Variants in GFAP observed in about 807,000 individuals in gnomAD.
GFAP encodes the protein intermediate filament protein.
In GFAP, 38 loss-of-function variants were observed where a neutral mutation model predicts 49.3. The observed-to-expected ratio is 0.77, with a 90% CI of 0.60 to 1.01. GFAP has a LOEUF of 1.01. GFAP is among the 50% of genes least tolerant of loss of function. The pLI is 0.00. For missense variants in GFAP, 463 were observed against 579.1 expected, an observed-to-expected ratio of 0.80 and a Z score of 2.06; for synonymous variants, 222 against 236.4, an observed-to-expected ratio of 0.94 and a Z score of 0.56.
intron 1 of GFAP, chr17:44,914,591 C>G (rs950010280): frequency 1.7e-5 from 4 of 231,066 alleles, no homozygotes; most frequent in Non-Finnish European, 3.4e-5. Flanking sequence ...TGCGCCCAGA[C>G]CTGCCTGCTC....
Position 44,915,342 on chromosome 17 carries a change from G to T in GFAP, c.145C>A (p.Arg49=), listed in dbSNP as rs771283454. ...GCCCCAGCCAGGGAGAAATCCACCC[G>T]GGTCGGGAGTGGAGGGGGCATTCGA... is the stretch of plus-strand genomic sequence containing the variant. ...LARMPPPLPT[R]VDFSLAGALN... is the part of the protein sequence containing the mutation. Residue 49 remains arginine, a synonymous_variant, in exon 1 of 9, where the codon CGG becomes AGG. Transcript: ENST00000588735. The surrounding 1 kb of genome is among the most constrained non-coding windows in gnomAD (Gnocchi z 4.1). 1.9e-6 allele frequency: 3 copies of T among 1,612,722 alleles called. No homozygotes were observed. The highest frequency in any genetic ancestry group is 1.3e-5 in the African/African-American group (1 of 74,932).
Position 44,911,476 on chromosome 17 carries a change from G to A in GFAP, c.907-20C>T. On this transcript the variant is annotated intron_variant, in intron 5 of 8. Transcript: ENST00000588735. ...CTCGTTCTGTGGGATGGAGCCGGCC[G>A]GTCCCGCGGAGCCCCGACCCGACTT... The A allele has an allele frequency of 6.3e-7, 1 of 1,586,316 alleles. No individual in the cohort carries two copies. Among genetic ancestry groups the A allele is most frequent in the Non-Finnish European group, 8.6e-7 (1 of 1,167,082 alleles).
At chr17:44,909,211 T>C (rs1433383445) in intron 7 of GFAP, 1 of 152,218 alleles carries the variant, frequency 6.6e-6, no homozygotes, top group Non-Finnish European at 1.5e-5. Flanking sequence ...GCCACATGAC[T>C]CTGGGCAAGT....
chr17:44,903,747 G>A lies in GFAP; in HGVS notation c.*3600C>T, dbSNP rs776079438. On this transcript the variant is annotated 3_prime_UTR_variant, in exon 9 of 9. Coordinates refer to ENST00000588735, the MANE Select transcript of GFAP (RefSeq NM_002055.5). ...ATCCTTTCCTCATCTAGAGGCTTCCGCTTAGCAGAGCTTTCTAGGAGCCCT... is the reference window on the plus strand; with the variant it reads ...ATCCTTTCCTCATCTAGAGGCTTCCACTTAGCAGAGCTTTCTAGGAGCCCT... 1.6e-5 allele frequency: 23 copies of A among 1,463,646 alleles called. No homozygotes were observed. The highest frequency in any genetic ancestry group is 2.5e-5 in the East Asian group (1 of 40,360). The allele number at this position is 1,463,646 out of a possible 1,614,324, so 90.7% of individuals were successfully genotyped here.
chr17:44,909,783 G>A (rs2051715979), intron 7 of GFAP: 20 of 1,125,176 alleles, frequency 1.8e-5, no homozygotes, highest in Non-Finnish European at 2.2e-5. Context: ...GAGCCTCAGG[G>A]ATGAAAGAAT....
At chr17:44,911,859 A>G in intron 4 of GFAP, 62 bp from the exon 5 acceptor site, 7 of 1,568,246 alleles carry the variant, frequency 4.5e-6, no homozygotes, top group Non-Finnish European at 5.2e-6. Flanking sequence ...GCTCTGGGAA[A>G]TCAGGGAGGT....
At position 44,913,309 on chromosome 17, in the gene GFAP, G is replaced by A. The variant is rs2051815862; in HGVS notation, c.740C>T (p.Ser247Phe). 3.7e-6 allele frequency: 6 copies of A among 1,614,100 alleles called. No homozygotes were observed. The East Asian group carries it at 1.3e-4, about 36-fold the overall frequency. The part of the protein sequence containing the change: ...EIRTQYEAMA[S>F]SNMHEAEEWY... ...CTCTTCGGCTTCATGCATGTTGCTG[G>A]ACGCCATTGCCTCATACTGCGTGCG... Residue 247 changes from serine (S) to phenylalanine (F), a missense_variant, in exon 4 of 9, where the codon TCC (serine) becomes TTC (phenylalanine). Coordinates refer to ENST00000588735, the MANE Select transcript of GFAP (RefSeq NM_002055.5).
In GFAP at chr17:44,904,341, C is replaced by T; in HGVS notation, c.*3006G>A. 1 of 1,542,096 alleles carries T rather than the reference C, an allele frequency of 6.5e-7. No individual in the cohort carries two copies. Among genetic ancestry groups the T allele is most frequent in the Non-Finnish European group, 8.8e-7 (1 of 1,141,782 alleles). ...TATGGGCACCTCCATGTCTTCACCA[C>T]CTTCTGGGAATGGACCCCCTGTGAC... On this transcript the variant is annotated 3_prime_UTR_variant, in exon 9 of 9. Coordinates refer to ENST00000588735, the MANE Select transcript of GFAP (RefSeq NM_002055.5).
chr17:44,910,221 G>A, intron 7 of GFAP: 1 of 1,613,970 alleles, frequency 6.2e-7, no homozygotes, highest in Non-Finnish European at 8.5e-7. Flanking sequence ...GAGATATCTT[G>A]TGACCTTGTG....
Position 44,907,305 on chromosome 17 carries a change from C to G in GFAP, c.*42G>C. 1.3e-6 allele frequency: 2 copies of G among 1,599,344 alleles called. No individual in the cohort carries two copies. The highest frequency in any genetic ancestry group is 1.7e-6 in the Non-Finnish European group (2 of 1,166,804). On this transcript the variant is annotated 3_prime_UTR_variant, in exon 9 of 9. Coordinates refer to ENST00000588735, the MANE Select transcript of GFAP (RefSeq NM_002055.5). ...AGCAACTATCCTGCTTCTGCTCGGGCCCCTCATGAGACGGGGCAGAGGCCA... is the reference window on the plus strand; with the variant it reads ...AGCAACTATCCTGCTTCTGCTCGGGGCCCTCATGAGACGGGGCAGAGGCCA...
chr17:44,909,949 C>T (rs1294685748), intron 7 of GFAP: 17 of 1,442,088 alleles, frequency 1.2e-5, no homozygotes, highest in South Asian at 5.9e-5. Context: ...CAAGCTCTGC[C>T]AGTTTAATGT....
chr17:44,907,883 A>G (rs1344741286), intron 8 of GFAP, 181 bp downstream of exon 8: 2 of 713,356 alleles, frequency 2.8e-6, no homozygotes, highest in South Asian at 2.9e-5. Context: ...AGAACAGCCT[A>G]TGGAGGGACT....
rs760512689 is a variant in GFAP, at chr17:44,904,092, C to T, written c.*3255G>A. The T allele has an allele frequency of 1.7e-5, 26 of 1,550,472 alleles. No homozygotes were observed. Among genetic ancestry groups the T allele is most frequent in the South Asian group, 1.2e-4 (10 of 84,070 alleles). On this transcript the variant is annotated 3_prime_UTR_variant, in exon 9 of 9. Transcript: ENST00000588735. ...ACGGACTTTGATGGGCGGGTGCTGA[C>T]GGAGGCAGCCCAGGTACGTGTGGGC...
Position 44,904,180 on chromosome 17 carries a change from T to G in GFAP, c.*3167A>C. 1.3e-6 allele frequency: 2 copies of G among 1,550,540 alleles called. No homozygotes were observed. The highest frequency in any genetic ancestry group is 1.7e-6 in the Non-Finnish European group (2 of 1,146,938). The stretch of plus-strand genomic sequence containing the variant: ...GCTTGTTGGTTTTCAGGGCTCAGTC[T>G]GAGGACTCAGGCCTGTACTTCTGCG... On this transcript the variant is annotated 3_prime_UTR_variant, in exon 9 of 9. Coordinates refer to ENST00000588735, the MANE Select transcript of GFAP (RefSeq NM_002055.5).
At chr17:44,907,588 G>A in intron 8 of GFAP, 200 bp from the exon 9 acceptor site, 1 of 645,860 alleles carries the variant, frequency 1.5e-6, no homozygotes, top group Non-Finnish European at 2.8e-6. Context: ...CGTCATGCCT[G>A]GCGAGTGGTA....
intron 8 of GFAP, 111 bp downstream of exon 8, chr17:44,907,943 GGGGAGCTACT>G: frequency 1.3e-6 from 1 of 789,082 alleles, no homozygotes; most frequent in Non-Finnish European, 2.3e-6. Context: ...AGAATTCCCT[GGGGAGCTACT>G]GGGAGTTGCT....
Position 44,903,768 on chromosome 17 carries a change from G to T in GFAP, c.*3579C>A, listed in dbSNP as rs1205487917. ...TTCCGCTTAGCAGAGCTTTCTAGGA[G>T]CCCTATGAGCCTTTAATGCCCTGGT... On this transcript the variant is annotated 3_prime_UTR_variant, in exon 9 of 9. Transcript: ENST00000588735. 1 of 1,481,872 alleles carries T rather than the reference G, an allele frequency of 6.7e-7. No individual in the cohort carries two copies. The highest frequency in any genetic ancestry group is 9.0e-7 in the Non-Finnish European group (1 of 1,117,072). 91.8% of individuals were successfully genotyped at this position (1,481,872 alleles called of 1,614,324 possible). A position where few individuals can be genotyped will look rare whatever the true frequency, so the allele number is the denominator to read the frequency against.
chr17:44,907,378 T>C lies in GFAP; in HGVS notation c.1268A>G (p.Glu423Gly), dbSNP rs2051669297. Reference sequence around the variant, plus strand: ...CACATCCTTGTGCTCCTGCTTGGACTCCTTAATGACCTGCAGGGGACAGGG... The same window carrying C: ...CACATCCTTGTGCTCCTGCTTGGACCCCTTAATGACCTGCAGGGGACAGGG... Reference protein sequence around the residue: ...VEMRDGEVIKESKQEHKDVM With the variant: ...VEMRDGEVIKGSKQEHKDVM The change falls in exon 9 of 9, where the codon GAG (glutamate) becomes GGG (glycine). Residue 423 changes from glutamate to glycine, a missense_variant. By Grantham distance (98) the Glu-to-Gly change is moderately conservative. Transcript: ENST00000588735. 3 of 1,613,270 alleles carry C rather than the reference T, an allele frequency of 1.9e-6. No individual in the cohort carries two copies. Among genetic ancestry groups the C allele is most frequent in the Non-Finnish European group, 2.5e-6 (3 of 1,179,280 alleles).
At chr17:44,910,165 C>G (rs1421809808) in intron 7 of GFAP, 1 of 1,613,860 alleles carries the variant, frequency 6.2e-7, no homozygotes, top group Non-Finnish European at 8.5e-7. Context: ...GTTCCATTTA[C>G]AATCTGGTGA....
Sources: gnomAD v4.1 joint callset for allele counts on GRCh38, gnomAD v4.1.1 for gene constraint, Gnocchi (gnomAD v3.1) non-coding constraint, MANE v1.5 for transcripts, NCBI Gene and HGNC (gene_info 2026-07-23, HGNC 2026-07-21) for gene names.